TTBK2: variants seen among roughly 807,000 people sequenced by gnomAD.
TTBK2 encodes the protein tau-tubulin kinase 2.
A neutral mutation model predicts 110.8 loss-of-function variants in TTBK2; 28 were observed. That is an observed-to-expected ratio of 0.25 (90% CI 0.19 to 0.35). TTBK2 has a LOEUF of 0.35. TTBK2 is among the 10% of genes least tolerant of loss of function. The pLI is 1.00. For synonymous variants in TTBK2, 532 were observed against 527.3 expected, an observed-to-expected ratio of 1.01 and a Z score of -0.12; for missense variants, 1,369 against 1,500.3, an observed-to-expected ratio of 0.91 and a Z score of 1.45.
intron 13 of TTBK2, among the ~76,000 whole-genome samples, chr15:42,765,444 C>T (rs1003976332): frequency 6.6e-6 from 1 of 152,138 alleles, no homozygotes; most frequent in African/African-American, 2.4e-5. Context: ...GAGCTGAAAA[C>T]CATGGCACGA....
At chr15:42,800,268 T>A (rs1195257481) in intron 9 of TTBK2, 6 of 433,428 alleles carry the variant, frequency 1.4e-5, no homozygotes, top group African/African-American at 1.2e-4. Context: ...CTAAAATAAA[T>A]TGACTATATA....
intron 9 of TTBK2, among the ~76,000 whole-genome samples, chr15:42,805,814 C>A (rs1203657155): frequency 6.6e-6 from 1 of 152,194 alleles, no homozygotes; most frequent in East Asian, 1.9e-4. Context: ...CCACACTATA[C>A]CCTTTCCTGA....
intron 12 of TTBK2, chr15:42,776,778 T>C: frequency 1.7e-6 from 1 of 571,988 alleles, no homozygotes; most frequent in South Asian, 2.3e-5. Context: ...TGTTAGGAAG[T>C]CATCAGCTCT....
In TTBK2 at chr15:42,844,980, C is replaced by T. The variant is rs576781761; in HGVS notation, c.218-4547G>A. Among the ~76,000 whole-genome samples the T allele has an allele frequency of 3.4e-4, 52 of 152,062 alleles. 1 individual carries two copies. Among genetic ancestry groups the T allele is most frequent in the African/African-American group, 1.0e-3 (42 of 41,478 alleles). The stretch of plus-strand genomic sequence containing the variant: ...CCTCAAAGAGTTCACAGCCAAGATA[C>T]GTAAACAAAAAAAGTAATACAGTAT... On this transcript the variant is annotated intron_variant, in intron 3 of 14. Coordinates refer to ENST00000267890, the MANE Select transcript of TTBK2 (RefSeq NM_173500.4).
chr15:42,848,582 C>T (rs1893565762), intron 3 of TTBK2, among the ~76,000 whole-genome samples: 1 of 152,068 alleles, frequency 6.6e-6, no homozygotes, highest in South Asian at 2.1e-4. Flanking sequence ...CCTCCACCTC[C>T]CGGGTTAAAG....
chr15:42,802,525 A>G (rs944591351), intron 9 of TTBK2: 5 of 465,834 alleles, frequency 1.1e-5, no homozygotes, highest in African/African-American at 9.8e-5. Context: ...ACATTGGTAA[A>G]GAAAAAAATT....
At chr15:42,765,549 G>A (rs921289081) in intron 13 of TTBK2, among the ~76,000 whole-genome samples, 3 of 152,126 alleles carry the variant, frequency 2.0e-5, no homozygotes, top group Admixed American at 6.6e-5. Flanking sequence ...GAAATGAAGC[G>A]AGAAGAGAAG....
At chr15:42,772,185 C>T (rs1023805431) in intron 13 of TTBK2, among the ~76,000 whole-genome samples, 37 of 152,174 alleles carry the variant, frequency 2.4e-4, no homozygotes, top group African/African-American at 8.9e-4. Context: ...TTAGAAAAGA[C>T]ACTGTGGCTT....
chr15:42,853,630 C>T (rs16957224), intron 3 of TTBK2, among the ~76,000 whole-genome samples: 5 of 152,062 alleles, frequency 3.3e-5, no homozygotes, highest in African/African-American at 7.3e-5. Flanking sequence ...AAAGAGCTAA[C>T]ATGGAAAAGA....
chr15:42,797,811 GTA>G (rs148604835), intron 9 of TTBK2, among the ~76,000 whole-genome samples: 3 of 151,214 alleles, frequency 2.0e-5, no homozygotes, highest in Non-Finnish European at 3.0e-5. Context: ...ACATGTCTGT[GTA>G]TATATATATA....
intron 3 of TTBK2, among the ~76,000 whole-genome samples, chr15:42,864,934 T>C (rs1239931591): frequency 6.6e-6 from 1 of 152,200 alleles, no homozygotes; most frequent in African/African-American, 2.4e-5. Flanking sequence ...TATAAATATA[T>C]ATACATGCTT....
Position 42,752,693 on chromosome 15 carries a change from A to G in TTBK2, c.2553T>C (p.Thr851=). 1 of 1,614,100 alleles carries G rather than the reference A, an allele frequency of 6.2e-7. No homozygotes were observed. The highest frequency in any genetic ancestry group is 8.5e-7 in the Non-Finnish European group (1 of 1,180,022). Residue 851 remains threonine (T), a synonymous_variant, in exon 14 of 15, where the codon ACT becomes ACC. Coordinates refer to ENST00000267890, the MANE Select transcript of TTBK2 (RefSeq NM_173500.4). ...NEIMKLLTVG[T]SEISSRDIDP... is the part of the protein sequence containing the mutation. ...CAATGTCTCTGGAAGAAATTTCTGA[A>G]GTTCCAACTGTCAGAAGCTTCATTA...
At chr15:42,881,153 G>A (rs1895025041) in intron 1 of TTBK2, among the ~76,000 whole-genome samples, 1 of 151,414 alleles carries the variant, frequency 6.6e-6, no homozygotes, top group Non-Finnish European at 1.5e-5. Context: ...CGTGGTGGCA[G>A]GTGCCTATAG....
chr15:42,837,290 G>A (rs868437337), intron 4 of TTBK2, among the ~76,000 whole-genome samples: 1 of 149,878 alleles, frequency 6.7e-6, no homozygotes, highest in East Asian at 2.0e-4. Context: ...CCTGGGAGGC[G>A]AAGGTTGCAG....
chr15:42,781,316 A>C (rs573003201), intron 11 of TTBK2, among the ~76,000 whole-genome samples: 1 of 152,314 alleles, frequency 6.6e-6, no homozygotes, highest in Non-Finnish European at 1.5e-5. Flanking sequence ...GATGAAAAAA[A>C]TCATTACGGA....
chr15:42,778,773 A>G (rs1389459698), intron 11 of TTBK2, among the ~76,000 whole-genome samples: 4 of 152,214 alleles, frequency 2.6e-5, no homozygotes, highest in Non-Finnish European at 5.9e-5. Context: ...AAGCCATAAC[A>G]TATGTCTAAC....
chr15:42,877,375 A>C (rs1238480838), intron 2 of TTBK2, among the ~76,000 whole-genome samples: 1 of 152,226 alleles, frequency 6.6e-6, no homozygotes, highest in Non-Finnish European at 1.5e-5. Context: ...ACCAATTTAC[A>C]TGAAATACAC....
intron 13 of TTBK2, among the ~76,000 whole-genome samples, chr15:42,763,956 G>A (rs1020835753): frequency 6.6e-6 from 1 of 151,966 alleles, no homozygotes; most frequent in African/African-American, 2.4e-5. Context: ...AAATTTTGTG[G>A]GACTACTAAA....
chr15:42,898,819 A>C (rs1404401805), intron 1 of TTBK2, among the ~76,000 whole-genome samples: 1 of 152,242 alleles, frequency 6.6e-6, no homozygotes, highest in East Asian at 1.9e-4. Context: ...TGTGGAGGTA[A>C]ATACCAAAAG....
Sources: allele counts gnomAD v4.1 joint callset (sites outside exome capture counted in the v4.1 genomes callset), GRCh38; gene constraint gnomAD v4.1.1; transcripts MANE v1.5; gene names NCBI Gene and HGNC (gene_info 2026-07-23, HGNC 2026-07-21).